The following ATG4B variants were observed in gnomAD, a reference collection of about 807,000 sequenced individuals.
The protein encoded by ATG4B is autophagy related 4B cysteine peptidase.
In ATG4B, 29 loss-of-function variants were observed where a neutral mutation model predicts 56.6. The observed-to-expected ratio is 0.51, with a 90% confidence interval of 0.38 to 0.70. ATG4B has a LOEUF of 0.70. ATG4B is among the 30% of genes least tolerant of loss of function. The probability of loss-of-function intolerance (pLI) is 0.00; values close to 1 mark genes in which losing one functional copy is unlikely to be tolerated. For missense variants in ATG4B, 461 were observed against 515.5 expected, an observed-to-expected ratio of 0.89 and a Z score of 1.02; for synonymous variants, 224 against 206.1, an observed-to-expected ratio of 1.09 and a Z score of -0.74.
Position 241,641,200 on chromosome 2 carries a change from G to A in ATG4B, c.10+3476G>A, listed in dbSNP as rs1042033951. Among the ~76,000 whole-genome samples the A allele has an allele frequency of 3.3e-5, 5 of 152,218 alleles. No homozygotes were observed. The South Asian group carries it at 6.2e-4, about 19-fold the overall frequency. On this transcript the variant is annotated intron_variant, in intron 1 of 12. Coordinates refer to ENST00000404914, the MANE Select transcript of ATG4B (RefSeq NM_013325.5). ...GTAGATTGGAAGTTGGGAGAGGGAT[G>A]GGTAGAGAGGGAGGAGTTAAAGATG...
At chr2:241,667,268 AG>A (rs1382995967) in intron 8 of ATG4B, among the ~76,000 whole-genome samples, 1 of 152,086 alleles carries the variant, frequency 6.6e-6, no homozygotes, top group Non-Finnish European at 1.5e-5. Context: ...GGGGATGGGC[AG>A]GGCTGTGTGA....
rs927714901 is a variant in ATG4B, at chr2:241,651,515, G to A, written c.184+180G>A. Among the ~76,000 whole-genome samples, 1 of 152,188 alleles carries A rather than the reference G, an allele frequency of 6.6e-6. No homozygotes were observed. Among genetic ancestry groups the A allele is most frequent in the African/African-American group, 2.4e-5 (1 of 41,450 alleles). ...TAGTGGCAAAGCTAGAATCCACGGC[G>A]CCTGACTCTAGGCTAGTGTGTTTTC... On this transcript the variant is annotated intron_variant, in intron 3 of 12. Transcript: ENST00000404914. The surrounding 1 kb of genome is among the most constrained non-coding windows in gnomAD (Gnocchi z 4.1).
intron 6 of ATG4B, among the ~76,000 whole-genome samples, chr2:241,656,696 T>G (rs557004449): frequency 6.6e-6 from 1 of 152,286 alleles, no homozygotes; most frequent in Admixed American, 6.5e-5. Context: ...AGCTGCTTAT[T>G]CTGCATTTCC....
chr2:241,665,599 G>A (rs1457955992), intron 7 of ATG4B, among the ~76,000 whole-genome samples: 1 of 152,252 alleles, frequency 6.6e-6, no homozygotes, highest in Non-Finnish European at 1.5e-5. Context: ...GCCTGTGGCT[G>A]AGAGTAGCCT....
In ATG4B at chr2:241,672,481, C is replaced by T. The variant is rs1172499746; in HGVS notation, c.*217C>T. 3.4e-6 allele frequency: 2 copies of T among 583,840 alleles called. No homozygotes were observed. Among genetic ancestry groups the T allele is most frequent in the Non-Finnish European group, 6.1e-6 (2 of 327,588 alleles). The allele number at this position is 583,840 out of a possible 1,614,324, so 36.2% of individuals were successfully genotyped here. ...CTCAGAGTGCCCGTCAGGGCCTGTG[C>T]ATCCGCACGCGGAGCCGTCTGTTAG... On this transcript the variant is annotated 3_prime_UTR_variant, in exon 13 of 13. Transcript: ENST00000404914.
intron 1 of ATG4B, among the ~76,000 whole-genome samples, chr2:241,640,927 T>C (rs2067866370): frequency 6.6e-6 from 1 of 152,160 alleles, no homozygotes; most frequent in South Asian, 2.1e-4. Flanking sequence ...CAGTGTTTAT[T>C]CTGAACAGGA....
At chr2:241,657,301 T>TG (rs71406476) in intron 6 of ATG4B, among the ~76,000 whole-genome samples, 2 of 106,846 alleles carry the variant, frequency 1.9e-5, no homozygotes, top group African/African-American at 7.7e-5. Flanking sequence ...TTTTTTTTTT[T>TG]TTTATTTTTT....
rs185412362 is a variant in ATG4B, at chr2:241,673,596, C to T, written c.*1332C>T. 6.6e-6 allele frequency: 3 copies of T among 455,594 alleles called. No homozygotes were observed. Among genetic ancestry groups the T allele is most frequent in the African/African-American group, 4.0e-5 (2 of 50,114 alleles). The allele number at this position is 455,594 out of a possible 1,614,324, so 28.2% of individuals were successfully genotyped here. A position where few individuals can be genotyped will look rare whatever the true frequency, so the allele number is the denominator to read the frequency against. On this transcript the variant is annotated 3_prime_UTR_variant, in exon 13 of 13. Transcript: ENST00000404914. ...AAGCATTGAAGACATAGTGTATTTC[C>T]TCGTATCCTTTCTCCCTTGGGTGTA...
Position 241,673,575 on chromosome 2 carries a change from A to G in ATG4B, c.*1311A>G. On this transcript the variant is annotated 3_prime_UTR_variant, in exon 13 of 13. Transcript: ENST00000404914. Reference sequence around the variant, plus strand: ...AGAGGACACCCCCAGCCCCCCAAGCATTGAAGACATAGTGTATTTCCTCGT... The same window carrying G: ...AGAGGACACCCCCAGCCCCCCAAGCGTTGAAGACATAGTGTATTTCCTCGT... The G allele has an allele frequency of 2.2e-6, 1 of 451,072 alleles. No homozygotes were observed. Among genetic ancestry groups the G allele is most frequent in the Non-Finnish European group, 4.4e-6 (1 of 225,708 alleles). The allele number at this position is 451,072 out of a possible 1,614,324, so 27.9% of individuals were successfully genotyped here.
intron 1 of ATG4B, among the ~76,000 whole-genome samples, chr2:241,638,689 T>C (rs1372324868): frequency 1.3e-5 from 2 of 152,228 alleles, no homozygotes; most frequent in Non-Finnish European, 2.9e-5. Flanking sequence ...AAAACTGTAA[T>C]GTGTATTGCC....
rs763269853 is a variant in ATG4B at position 241,637,730 on chromosome 2, G to C, written c.10+6G>C. 3 of 1,576,852 alleles carry C rather than the reference G, an allele frequency of 1.9e-6. No homozygotes were observed. In the Admixed American group the frequency reaches 5.5e-5, roughly 29 times the overall value. On this transcript the variant is annotated splice_donor_region_variant and intron_variant, in intron 1 of 12. Transcript: ENST00000404914. Reference sequence around the variant, plus strand: ...GACTGGGAAGATGGACGCAGGTGAGGAGTTGCCGGGGGTCGGTCTTTCCGC... The same window carrying C: ...GACTGGGAAGATGGACGCAGGTGAGCAGTTGCCGGGGGTCGGTCTTTCCGC...
intron 1 of ATG4B, among the ~76,000 whole-genome samples, chr2:241,643,445 G>T (rs1257369366): frequency 6.8e-6 from 1 of 147,260 alleles, no homozygotes; most frequent in Non-Finnish European, 1.5e-5. Flanking sequence ...GGGCTCAAGT[G>T]ATCCTCCCAT....
chr2:241,671,706 T>C, intron 12 of ATG4B: 1 of 1,341,796 alleles, frequency 7.5e-7, no homozygotes, highest in Non-Finnish European at 9.6e-7. Flanking sequence ...ATGCAGGCTC[T>C]GTGGTGACGC....
At chr2:241,652,093 G>A (rs2068244805) in intron 3 of ATG4B, 1 of 583,624 alleles carries the variant, frequency 1.7e-6, no homozygotes, top group South Asian at 1.7e-5. Context: ...CACAACGGCT[G>A]GACATTGGAG....
chr2:241,643,364 ATTTTTTT>A (rs71049595), intron 1 of ATG4B, among the ~76,000 whole-genome samples: 2 of 109,820 alleles, frequency 1.8e-5, no homozygotes, highest in African/African-American at 3.6e-5. Context: ...ACGCCTAGCT[ATTTTTTT>A]TTTTTTTTTT....
At chr2:241,640,321 T>C (rs1345864359) in intron 1 of ATG4B, among the ~76,000 whole-genome samples, 2 of 152,214 alleles carry the variant, frequency 1.3e-5, no homozygotes, top group African/African-American at 2.4e-5. Flanking sequence ...GTATATGATG[T>C]TTGTAGGATA....
At chr2:241,641,439 A>G (rs1039048064) in intron 1 of ATG4B, among the ~76,000 whole-genome samples, 3 of 152,048 alleles carry the variant, frequency 2.0e-5, no homozygotes, top group South Asian at 2.1e-4. Flanking sequence ...GATCCCAGCT[A>G]CGCAGGAGGC....
In ATG4B at chr2:241,672,359, G is replaced by A; in HGVS notation, c.*95G>A. ...CGCCCGCTCGCCTGCCGAGGGCTGC[G>A]CCCCGTGCTGCCTCCCCCCAGAGGG... is the stretch of plus-strand genomic sequence containing the variant. On this transcript the variant is annotated 3_prime_UTR_variant, in exon 13 of 13. Coordinates refer to ENST00000404914, the MANE Select transcript of ATG4B (RefSeq NM_013325.5). The A allele has an allele frequency of 3.5e-6, 4 of 1,146,292 alleles. No homozygotes were observed. The highest frequency in any genetic ancestry group is 3.8e-6 in the Non-Finnish European group (3 of 794,652). 71.0% of individuals were successfully genotyped at this position (1,146,292 alleles called of 1,614,324 possible).
intron 1 of ATG4B, chr2:241,638,221 C>T (rs1575047800): frequency 6.6e-6 from 1 of 152,506 alleles, no homozygotes; most frequent in East Asian, 1.9e-4. Flanking sequence ...ACGTGTTCAT[C>T]ACAGTATACG....
Sources: allele counts gnomAD v4.1 joint callset (sites outside exome capture counted in the v4.1 genomes callset), GRCh38; gene constraint gnomAD v4.1.1; non-coding constraint Gnocchi (gnomAD v3.1); transcripts MANE v1.5; gene names NCBI Gene and HGNC (gene_info 2026-07-23, HGNC 2026-07-21).